CELF2: variants seen among roughly 807,000 people sequenced by gnomAD.
The protein encoded by CELF2 is CUG triplet repeat RNA-binding protein 2.
In CELF2, 8 loss-of-function variants were observed where a neutral mutation model predicts 62.6. The ratio of observed to expected loss-of-function variants is 0.13; its 90% CI spans 0.07 to 0.23. CELF2 has a LOEUF of 0.23. CELF2 is among the 10% of genes least tolerant of loss of function. CELF2 has a pLI of 1.00. For synonymous variants in CELF2, 258 were observed against 250.0 expected (o/e 1.03, Z -0.30); for missense variants, 333 against 671.0 (o/e 0.50, Z 5.56).
rs745848953 is a variant in CELF2 at position 10,924,724 on chromosome 10, C to CTTTTTTTTTTTTTTT, written c.89+4729_89+4743dup. Among the ~76,000 whole-genome samples, 98 of 89,150 alleles carry CTTTTTTTTTTTTTTT rather than the reference C, an allele frequency of 1.1e-3. 6 individuals carry two copies. Among genetic ancestry groups the CTTTTTTTTTTTTTTT allele is most frequent in the Non-Finnish European group, 1.3e-3 (66 of 49,966 alleles). The allele number at this position is 89,150 out of a possible 152,430, so 58.5% of individuals were successfully genotyped here. On this transcript the variant is annotated intron_variant, in intron 2 of 13. Transcript: ENST00000636488. ...GTATATTAATCCAGTAACTTGATCG[C>CTTTTTTTTTTTTTTT]TTTTTTTTTTTTTTTTTTGCCTTCT...
rs2064928218 is a variant in CELF2 at position 11,221,685 on chromosome 10, C to T, written c.354+4178C>T. 2.0e-5 allele frequency among the ~76,000 whole-genome samples: 3 copies of T among 152,180 alleles called. No individual in the cohort carries two copies. In the South Asian group the frequency reaches 6.2e-4, roughly 32 times the overall value. On this transcript the variant is annotated intron_variant, in intron 3 of 12. Coordinates refer to ENST00000633077, the MANE Select transcript of CELF2 (RefSeq NM_001326342.2). ...TGAGAAACCTCTTAAATTTTAACAG[C>T]AAGGAGGAAGCTGCGGAATCTAAAT...
At chr10:10,684,134 G>A in the CELF2 span, among the ~76,000 whole-genome samples, 8 of 152,170 alleles carry the variant, frequency 5.3e-5, no homozygotes, top group African/African-American at 9.7e-5. Context: ...GATGAAGCAC[G>A]GATGATAGAG....
intron 1 of CELF2, among the ~76,000 whole-genome samples, chr10:10,836,455 T>C (rs183594399): frequency 6.6e-6 from 1 of 152,150 alleles, no homozygotes; most frequent in South Asian, 2.1e-4. Flanking sequence ...AACACTGAAG[T>C]AGATAACAAC....
At chr10:10,598,806 C>A in the CELF2 span, among the ~76,000 whole-genome samples, 1 of 120,430 alleles carries the variant, frequency 8.3e-6, no homozygotes, top group Non-Finnish European at 1.6e-5. Flanking sequence ...TGTAGCCAGG[C>A]TGGAGTGCGG....
the CELF2 span, among the ~76,000 whole-genome samples, chr10:10,625,952 G>A: frequency 2.6e-5 from 4 of 151,034 alleles, no homozygotes; most frequent in South Asian, 2.1e-4. Context: ...AGTTGTCTGC[G>A]AAAGTCAAAC....
At chr10:10,680,332 T>C in the CELF2 span, among the ~76,000 whole-genome samples, 2 of 152,184 alleles carry the variant, frequency 1.3e-5, no homozygotes, top group African/African-American at 4.8e-5. Context: ...CGAAACTCAC[T>C]AAAGTGCTCA....
the CELF2 span, among the ~76,000 whole-genome samples, chr10:10,653,052 G>A: frequency 3.9e-5 from 6 of 152,100 alleles, no homozygotes; most frequent in Non-Finnish European, 8.8e-5. Flanking sequence ...ACAAAAAAAG[G>A]CAGGGGTTGC....
In CELF2 at chr10:11,296,637, G is replaced by A. The variant is rs1384824734; in HGVS notation, c.976+8085G>A. ...TTTAGTTCAGATGTGGTTTAATCCC[G>A]AGAACCCGTCACCATCAACTAGATG... On this transcript the variant is annotated intron_variant, in intron 9 of 12. Coordinates refer to ENST00000633077, the MANE Select transcript of CELF2 (RefSeq NM_001326342.2). This position sits in a 1 kb window ranked among gnomAD's most constrained non-coding sequence, Gnocchi z 5.0. 6.6e-5 allele frequency among the ~76,000 whole-genome samples: 10 copies of A among 152,104 alleles called. No individual in the cohort carries two copies. Among genetic ancestry groups the A allele is most frequent in the African/African-American group, 1.9e-4 (8 of 41,400 alleles).
intron 1 of CELF2, among the ~76,000 whole-genome samples, chr10:10,855,541 T>C (rs1197714050): frequency 6.6e-6 from 1 of 152,188 alleles, no homozygotes; most frequent in Non-Finnish European, 1.5e-5. Context: ...CCTACACAGA[T>C]TGTGACTTTA....
At chr10:10,941,694 C>A (rs1462188279) in intron 2 of CELF2, among the ~76,000 whole-genome samples, 2 of 152,098 alleles carry the variant, frequency 1.3e-5, no homozygotes, top group Non-Finnish European at 2.9e-5. Context: ...TAATAGTTAA[C>A]CTTAGAAATC....
At chr10:10,474,644 A>G in the CELF2 span, among the ~76,000 whole-genome samples, 1 of 152,252 alleles carries the variant, frequency 6.6e-6, no homozygotes, top group South Asian at 2.1e-4. Flanking sequence ...CCTGCAGGCC[A>G]TACAGAAAAG....
chr10:10,601,422 T>A, the CELF2 span, among the ~76,000 whole-genome samples: 3 of 152,142 alleles, frequency 2.0e-5, no homozygotes, highest in Non-Finnish European at 4.4e-5. Flanking sequence ...AATCTGGAGA[T>A]CTAAAGAACT....
chr10:11,130,518 T>C (rs1259407836), intron 1 of CELF2, among the ~76,000 whole-genome samples: 1 of 152,232 alleles, frequency 6.6e-6, no homozygotes, highest in African/African-American at 2.4e-5. Flanking sequence ...AGTGCTCTGC[T>C]GAGATCTGAA....
At position 11,096,539 on chromosome 10, in the gene CELF2, A is replaced by G. The variant is rs1367337307; in HGVS notation, c.75-68947A>G. On this transcript the variant is annotated intron_variant, in intron 1 of 12. Transcript: ENST00000633077. Reference sequence around the variant, plus strand: ...AAATGGAAAATAAAAGCAGTTAAGAATCAAGGAAACTGCTGCAATCTCTCA... The same window carrying G: ...AAATGGAAAATAAAAGCAGTTAAGAGTCAAGGAAACTGCTGCAATCTCTCA... The G allele has an allele frequency of 2.0e-5, 3 of 152,346 alleles. No homozygotes were observed. In the East Asian group the frequency reaches 5.8e-4, roughly 29 times the overall value. 9.4% of individuals were successfully genotyped at this position (152,346 alleles called of 1,614,324 possible).
rs181311807 is a variant in CELF2, at chr10:11,305,038, G to A, written c.977-9101G>A. ...GAATGCCTTTGTCAAACACGCATCG[G>A]CATCTTCTGGTTCAACTCGGTGCCC... On this transcript the variant is annotated intron_variant, in intron 9 of 12. Transcript: ENST00000633077. The surrounding 1 kb of genome is among the most constrained non-coding windows in gnomAD (Gnocchi z 4.8). 1.7e-3 allele frequency among the ~76,000 whole-genome samples: 233 copies of A among 139,546 alleles called. 1 individual carries two copies. Among genetic ancestry groups the A allele is most frequent in the African/African-American group, 5.5e-3 (221 of 40,376 alleles). 91.5% of individuals were successfully genotyped at this position (139,546 alleles called of 152,430 possible).
chr10:10,917,121 A>G (rs2064414643), intron 1 of CELF2, among the ~76,000 whole-genome samples: 1 of 152,178 alleles, frequency 6.6e-6, no homozygotes, highest in Non-Finnish European at 1.5e-5. Flanking sequence ...TAAAAATTAC[A>G]GTGATTGCCA....
In CELF2 at chr10:11,220,684, A is replaced by G. The variant is rs1171723825; in HGVS notation, c.354+3177A>G. ...CCCTAGAAATACAATGGCAGTCATA[A>G]AGGAAGCAAATTCAACAGCTCAACA... On this transcript the variant is annotated intron_variant, in intron 3 of 12. Coordinates refer to ENST00000633077, the MANE Select transcript of CELF2 (RefSeq NM_001326342.2). This position sits in a 1 kb window ranked among gnomAD's most constrained non-coding sequence, Gnocchi z 4.4. Among the ~76,000 whole-genome samples the G allele has an allele frequency of 6.6e-6, 1 of 152,228 alleles. No homozygotes were observed.
At chr10:10,696,897 A>C in the CELF2 span, among the ~76,000 whole-genome samples, 3 of 152,124 alleles carry the variant, frequency 2.0e-5, no homozygotes, top group Non-Finnish European at 4.4e-5. Context: ...CTCCCTAGTG[A>C]GATGAACCCG....
chr10:11,082,809 G>A (rs146474254), intron 1 of CELF2, among the ~76,000 whole-genome samples: 3 of 152,256 alleles, frequency 2.0e-5, no homozygotes, highest in Non-Finnish European at 2.9e-5. Flanking sequence ...ACAATCTATT[G>A]ACTTCAAGAT....
Sources: gnomAD v4.1 joint callset for allele counts (sites outside exome capture counted in the v4.1 genomes callset) on GRCh38, gnomAD v4.1.1 for gene constraint, Gnocchi (gnomAD v3.1) non-coding constraint, MANE v1.5 for transcripts, NCBI Gene and HGNC (gene_info 2026-07-23, HGNC 2026-07-21) for gene names.